The following PRICKLE1 variants were observed in gnomAD, a reference collection of about 807,000 sequenced individuals.
PRICKLE1 encodes prickle planar cell polarity protein 1.
A neutral mutation model predicts 70.2 loss-of-function variants in PRICKLE1; 14 were observed. The ratio of observed to expected loss-of-function variants is 0.20; its 90% CI spans 0.13 to 0.31. The LOEUF (loss-of-function observed/expected upper bound fraction) is 0.31, where lower values mean the gene tolerates loss of function less well. PRICKLE1 is among the 10% of genes least tolerant of loss of function. The probability of loss-of-function intolerance (pLI) is 1.00; values close to 1 mark genes in which losing one functional copy is unlikely to be tolerated. For synonymous variants in PRICKLE1, 357 were observed against 379.9 expected (o/e 0.94, Z 0.70); for missense variants, 821 against 1,026.2 (o/e 0.80, Z 2.73).
Position 42,541,210 on chromosome 12 carries a change from C to T in PRICKLE1, c.-49+48255G>A, listed in dbSNP as rs553023507. On this transcript the variant is annotated intron_variant, in intron 1 of 7. Transcript: ENST00000345127. ...TAGCTCAGAACAAAACAGAAGTTGG[C>T]GATTATATGCATAATTTATACTATA... 1.1e-4 allele frequency among the ~76,000 whole-genome samples: 16 copies of T among 151,900 alleles called. No homozygotes were observed. The East Asian group carries it at 2.7e-3, about 26-fold the overall frequency.
chr12:42,577,120 C>T (rs1174349089), intron 1 of PRICKLE1, among the ~76,000 whole-genome samples: 1 of 152,192 alleles, frequency 6.6e-6, no homozygotes, highest in East Asian at 1.9e-4. Flanking sequence ...ACATTTTAAA[C>T]ACAGTTTTAA....
At chr12:42,565,543 CACAGGG>C (rs1349868356) in intron 1 of PRICKLE1, among the ~76,000 whole-genome samples, 1 of 152,094 alleles carries the variant, frequency 6.6e-6, no homozygotes, top group Non-Finnish European at 1.5e-5. Context: ...CCTTAAAAGG[CACAGGG>C]ACAGGGAAAA....
Position 42,459,756 on chromosome 12 carries a change from A to G in PRICKLE1, c.*53T>C. 2.5e-6 allele frequency: 4 copies of G among 1,608,648 alleles called. No homozygotes were observed. Among genetic ancestry groups the G allele is most frequent in the Non-Finnish European group, 3.4e-6 (4 of 1,175,756 alleles). On this transcript the variant is annotated 3_prime_UTR_variant, in exon 8 of 8. Transcript: ENST00000345127. ...CTTTCCTACGGAAGAAAAGGAAACG[A>G]TTCAGACGGTTAATGGCTAAGTTTT...
intron 1 of PRICKLE1, among the ~76,000 whole-genome samples, chr12:42,488,075 C>T (rs1939021266): frequency 6.6e-6 from 1 of 151,992 alleles, no homozygotes; most frequent in Non-Finnish European, 1.5e-5. Context: ...ATAAACATCT[C>T]GATATAGAAA....
At chr12:42,537,571 A>T (rs17488421) in intron 1 of PRICKLE1, among the ~76,000 whole-genome samples, 12,455 of 152,264 alleles carry the variant, frequency 0.082, 606 homozygotes, top group Non-Finnish European at 0.11. Flanking sequence ...ACTCTGTTTT[A>T]CTGAATATTT....
At chr12:42,532,461 T>C (rs1939935838) in intron 1 of PRICKLE1, among the ~76,000 whole-genome samples, 1 of 152,240 alleles carries the variant, frequency 6.6e-6, no homozygotes, top group Non-Finnish European at 1.5e-5. Context: ...TTAAATTTTC[T>C]AGTAAGCACA....
At chr12:42,519,734 A>C (rs1939677003) in intron 1 of PRICKLE1, among the ~76,000 whole-genome samples, 1 of 152,208 alleles carries the variant, frequency 6.6e-6, no homozygotes, top group South Asian at 2.1e-4. Context: ...CACTTCTAGA[A>C]GGAGTGGCTA....
chr12:42,473,560 A>T (rs942523446), intron 1 of PRICKLE1, among the ~76,000 whole-genome samples: 1 of 152,250 alleles, frequency 6.6e-6, no homozygotes, highest in African/African-American at 2.4e-5. Context: ...AGAAAAAAAT[A>T]ATAATAGCAG....
At position 42,464,796 on chromosome 12, in the gene PRICKLE1, T is replaced by G; in HGVS notation, c.1238A>C (p.Asp413Ala). ...EDPEEWADHE[D>A]YMTQLLLKFG... is the part of the protein sequence containing the mutation. Reference sequence around the variant, plus strand: ...CTTGAGGAGGAGCTGCGTCATATAATCTTCATGATCAGCCCATTCTTCAGG... The same window carrying G: ...CTTGAGGAGGAGCTGCGTCATATAAGCTTCATGATCAGCCCATTCTTCAGG... The change falls in exon 7 of 8, where the codon GAT becomes GCT. Residue 413 changes from aspartate (D) to alanine (A), a missense_variant. By Grantham distance (126) the Asp-to-Ala change is moderately radical. Coordinates refer to ENST00000345127, the MANE Select transcript of PRICKLE1 (RefSeq NM_153026.3). This position sits in a 1 kb window ranked among gnomAD's most constrained non-coding sequence, Gnocchi z 4.2. 1 of 1,614,038 alleles carries G rather than the reference T, an allele frequency of 6.2e-7. No homozygotes were observed. Among genetic ancestry groups the G allele is most frequent in the Non-Finnish European group, 8.5e-7 (1 of 1,179,986 alleles).
intron 2 of PRICKLE1, among the ~76,000 whole-genome samples, chr12:42,471,528 A>G (rs868674745): frequency 1.4e-4 from 22 of 152,312 alleles, no homozygotes; most frequent in South Asian, 4.1e-4. Context: ...CAGCTCTAGA[A>G]GCTTTTTACA....
At chr12:42,482,376 C>T (rs1938822920) in intron 1 of PRICKLE1, among the ~76,000 whole-genome samples, 1 of 152,222 alleles carries the variant, frequency 6.6e-6, no homozygotes, top group South Asian at 2.1e-4. Context: ...TGAGGGGCAC[C>T]ACACAAGGCG....
chr12:42,573,930 T>G (rs1940763249), intron 1 of PRICKLE1, among the ~76,000 whole-genome samples: 1 of 152,140 alleles, frequency 6.6e-6, no homozygotes, highest in East Asian at 1.9e-4. Flanking sequence ...TTGTCTAAAT[T>G]TAGGACTGAG....
At chr12:42,539,993 C>T (rs1940083160) in intron 1 of PRICKLE1, among the ~76,000 whole-genome samples, 1 of 152,178 alleles carries the variant, frequency 6.6e-6, no homozygotes, top group South Asian at 2.1e-4. Context: ...AGAAAATCAA[C>T]TGTGATCAGT....
At chr12:42,536,970 GT>G (rs747369842) in intron 1 of PRICKLE1, among the ~76,000 whole-genome samples, 2 of 152,040 alleles carry the variant, frequency 1.3e-5, no homozygotes, top group East Asian at 3.8e-4. Flanking sequence ...TAACTCTTTG[GT>G]AAAACTACAT....
chr12:42,549,249 T>A (rs1173467629), intron 1 of PRICKLE1, among the ~76,000 whole-genome samples: 1 of 151,934 alleles, frequency 6.6e-6, no homozygotes, highest in East Asian at 1.9e-4. Flanking sequence ...ATTTCCCAGA[T>A]GTGTATGTTA....
chr12:42,477,725 A>G (rs371312959), intron 1 of PRICKLE1, among the ~76,000 whole-genome samples: 79 of 151,970 alleles, frequency 5.2e-4, no homozygotes, highest in African/African-American at 1.8e-3. Context: ...ATATGAGACC[A>G]CAGGTAAATC....
At chr12:42,526,184 A>G (rs1939795226) in intron 1 of PRICKLE1, among the ~76,000 whole-genome samples, 1 of 152,220 alleles carries the variant, frequency 6.6e-6, no homozygotes, top group East Asian at 1.9e-4. Context: ...AGGTGCATTC[A>G]CGATTCATGG....
chr12:42,552,059 C>CTTTTTTTTTTTTTTTTTTTTTTTTTTTT (rs201217516), intron 1 of PRICKLE1, among the ~76,000 whole-genome samples: 3 of 129,250 alleles, frequency 2.3e-5, no homozygotes, highest in Non-Finnish European at 3.2e-5. Flanking sequence ...AAGAAAGTTA[C>CTTTTTTTTTTTTTTTTTTTTTTTTTTTT]TTTTTTTTTT....
rs921230484 is a variant in PRICKLE1 at position 42,459,309 on chromosome 12, C to A, written c.*500G>T. ...CTGATACAATACAATGTTTACCTGG[C>A]CAAAGAGGGTTCGAGGGGACAAGCT... On this transcript the variant is annotated 3_prime_UTR_variant, in exon 8 of 8. Transcript: ENST00000345127. 2.8e-6 allele frequency: 2 copies of A among 701,758 alleles called. No individual in the cohort carries two copies. The highest frequency in any genetic ancestry group is 5.2e-6 in the Non-Finnish European group (2 of 384,892). 43.5% of individuals were successfully genotyped at this position (701,758 alleles called of 1,614,324 possible).
Sources: gnomAD v4.1 joint callset for allele counts (sites outside exome capture counted in the v4.1 genomes callset) on GRCh38, gnomAD v4.1.1 for gene constraint, Gnocchi (gnomAD v3.1) non-coding constraint, MANE v1.5 for transcripts, NCBI Gene and HGNC (gene_info 2026-07-23, HGNC 2026-07-21) for gene names.